NOX4: variants seen among roughly 807,000 people sequenced by gnomAD.
NOX4 encodes kidney oxidase-1.
NOX4 carries 69 observed loss-of-function variants against 87.6 expected under a neutral mutation model. That is an observed-to-expected ratio of 0.79 (90% confidence interval 0.65 to 0.96). The LOEUF (loss-of-function observed/expected upper bound fraction) is 0.96. Among genes scored for constraint, NOX4 ranks in the 40% least tolerant of loss-of-function variants. The pLI, the probability that NOX4 is intolerant of heterozygous loss-of-function variation, is 0.00. For missense variants in NOX4, 680 were observed against 681.5 expected, an observed-to-expected ratio of 1.00 and a Z score of 0.02; for synonymous variants, 275 against 238.2, an observed-to-expected ratio of 1.15 and a Z score of -1.42.
intron 11 of NOX4, among the ~76,000 whole-genome samples, chr11:89,396,974 A>G (rs1461739601): frequency 3.1e-5 from 3 of 97,984 alleles, no homozygotes; most frequent in Non-Finnish European, 5.5e-5. Flanking sequence ...CGGACCTAAT[A>G]GATATCTACG....
At chr11:89,440,759 TG>T in intron 5 of NOX4, 44 bp from the exon 6 acceptor site, 1 of 1,121,852 alleles carries the variant, frequency 8.9e-7, no homozygotes. Context: ...ACTAAAGCAC[TG>T]ATGATATATA....
At chr11:89,358,933 G>GAA (rs772378980) in intron 12 of NOX4, among the ~76,000 whole-genome samples, 2 of 144,230 alleles carry the variant, frequency 1.4e-5, no homozygotes, top group African/African-American at 2.5e-5. Flanking sequence ...AAAGCCACTG[G>GAA]AAAAAAAAAA....
the NOX4 span, among the ~76,000 whole-genome samples, chr11:89,525,409 T>A: frequency 0.021 from 3,133 of 152,170 alleles, 98 homozygotes; most frequent in African/African-American, 0.067. Flanking sequence ...AATTTGGCCA[T>A]TCTAATGGAT....
At chr11:89,469,004 A>G (rs1307714574) in intron 2 of NOX4, among the ~76,000 whole-genome samples, 1 of 152,196 alleles carries the variant, frequency 6.6e-6, no homozygotes, top group African/African-American at 2.4e-5. Context: ...TGCTAGTATT[A>G]CAGGAGTGAG....
chr11:89,481,932 G>C (rs1946406235), intron 2 of NOX4, among the ~76,000 whole-genome samples: 2 of 152,072 alleles, frequency 1.3e-5, no homozygotes, highest in Admixed American at 1.3e-4. Flanking sequence ...GGTGTGCAAG[G>C]TAAAGTAGTT....
the NOX4 span, among the ~76,000 whole-genome samples, chr11:89,581,349 T>C: frequency 6.6e-6 from 1 of 152,208 alleles, no homozygotes; most frequent in African/African-American, 2.4e-5. Context: ...CCTTTTGTCC[T>C]CTAGACTGTG....
At chr11:89,403,317 A>C (rs1941982032) in intron 8 of NOX4, among the ~76,000 whole-genome samples, 1 of 152,204 alleles carries the variant, frequency 6.6e-6, no homozygotes, top group African/African-American at 2.4e-5. Context: ...ACATAGCATC[A>C]ACAAGGTCAC....
At chr11:89,498,608 C>G (rs1007007853), upstream of NOX4, 7 of 152,050 alleles carry the variant, frequency 4.6e-5, no homozygotes, top group African/African-American at 1.7e-4. Flanking sequence ...TATTTGGGTA[C>G]CTTTGGATCC....
upstream of NOX4, chr11:89,491,584 G>T: frequency 3.1e-6 from 1 of 318,802 alleles, no homozygotes; most frequent in Non-Finnish European, 5.7e-6. Context: ...TGTTGTTGTG[G>T]CTGCTGCTGT....
intron 5 of NOX4, chr11:89,443,426 G>A (rs1944544633): frequency 6.6e-6 from 1 of 152,126 alleles, no homozygotes; most frequent in Non-Finnish European, 1.5e-5. Context: ...GATTTAAATG[G>A]GACAGAACAG....
chr11:89,392,408 G>A (rs1284062654), intron 11 of NOX4, among the ~76,000 whole-genome samples: 1 of 152,118 alleles, frequency 6.6e-6, no homozygotes, highest in East Asian at 1.9e-4. Flanking sequence ...AACTAATGGA[G>A]CTTCCGTGAG....
At chr11:89,538,851 T>C in the NOX4 span, among the ~76,000 whole-genome samples, 1 of 152,176 alleles carries the variant, frequency 6.6e-6, no homozygotes, top group Non-Finnish European at 1.5e-5. Context: ...CCCCTCAATT[T>C]CATATACTGA....
intron 17 of NOX4, among the ~76,000 whole-genome samples, chr11:89,332,189 T>A (rs953508119): frequency 7.2e-6 from 1 of 138,890 alleles, no homozygotes; most frequent in African/African-American, 3.4e-5. Context: ...ATTCACTCGT[T>A]GTATTACAGA....
chr11:89,383,491 A>G (rs1480233971), intron 11 of NOX4, among the ~76,000 whole-genome samples: 1 of 152,138 alleles, frequency 6.6e-6, no homozygotes, highest in Admixed American at 6.5e-5. Flanking sequence ...AGCCTCCTGG[A>G]CCATCACAGA....
intron 2 of NOX4, among the ~76,000 whole-genome samples, chr11:89,484,795 T>G (rs1446655870): frequency 6.6e-6 from 1 of 152,110 alleles, no homozygotes; most frequent in Non-Finnish European, 1.5e-5. Flanking sequence ...TGTGTCTAAA[T>G]AACAGAATGT....
At chr11:89,496,021 TA>T (rs1333907091), upstream of NOX4, among the ~76,000 whole-genome samples, 1 of 151,988 alleles carries the variant, frequency 6.6e-6, no homozygotes, top group Non-Finnish European at 1.5e-5. Context: ...AAAGGGACAT[TA>T]AAGAGAAAAG....
At chr11:89,496,732 A>G (rs1182059732), upstream of NOX4, among the ~76,000 whole-genome samples, 1 of 152,188 alleles carries the variant, frequency 6.6e-6, no homozygotes. Flanking sequence ...TTTTTACAAA[A>G]TAAATGTAAG....
chr11:89,523,122 C>A, the NOX4 span, among the ~76,000 whole-genome samples: 1 of 152,088 alleles, frequency 6.6e-6, no homozygotes, highest in Non-Finnish European at 1.5e-5. Flanking sequence ...CCTCCGGGTT[C>A]AAGTGATTCT....
At chr11:89,357,369 T>G (rs1392734742) in intron 12 of NOX4, among the ~76,000 whole-genome samples, 1 of 152,174 alleles carries the variant, frequency 6.6e-6, no homozygotes, top group Non-Finnish European at 1.5e-5. Flanking sequence ...GTTCACATTT[T>G]TAAATATTAT....
Sources: gnomAD v4.1 joint callset for allele counts (sites outside exome capture counted in the v4.1 genomes callset) on GRCh38, gnomAD v4.1.1 for gene constraint, MANE v1.5 for transcripts, NCBI Gene and HGNC (gene_info 2026-07-23, HGNC 2026-07-21) for gene names.